Variants in SFSWAP observed in about 807,000 individuals in gnomAD.
SFSWAP encodes the protein splicing factor SWAP, also known as splicing factor, suppressor of white-apricot homolog.
SFSWAP carries 17 observed loss-of-function variants against 100.7 expected under a neutral mutation model. The ratio of observed to expected loss-of-function variants is 0.17; its 90% CI spans 0.12 to 0.25. SFSWAP has a LOEUF of 0.25. Among genes scored for constraint, SFSWAP ranks in the 10% least tolerant of loss-of-function variants. The pLI, the probability that SFSWAP is intolerant of heterozygous loss-of-function variation, is 1.00. For synonymous variants in SFSWAP, 504 were observed against 510.1 expected (o/e 0.99, Z 0.16); for missense variants, 1,005 against 1,262.6 (o/e 0.80, Z 3.09).
intron 13 of SFSWAP, among the ~76,000 whole-genome samples, chr12:131,773,129 C>T (rs1284399019): frequency 2.0e-5 from 3 of 152,138 alleles, no homozygotes; most frequent in African/African-American, 4.8e-5. Flanking sequence ...GGATAGTTGT[C>T]ACTTTGGGCC....
chr12:131,755,414 TATA>T lies in SFSWAP; in HGVS notation c.1486_1488del (p.Asn496del). ...TGAGTTCCTGCAGCCGTGGCACCAG[TATA>T]ATGCTTATTATGAGTTTAAGAAGCA... is the stretch of plus-strand genomic sequence containing the variant. On this transcript the variant is annotated inframe_deletion, in exon 10 of 18. Coordinates refer to ENST00000261674, the MANE Select transcript of SFSWAP (RefSeq NM_004592.4). 6.2e-7 allele frequency: 1 copy of T among 1,613,926 alleles called. No individual in the cohort carries two copies. Among genetic ancestry groups the T allele is most frequent in the Non-Finnish European group, 8.5e-7 (1 of 1,179,914 alleles).
intron 10 of SFSWAP, 119 bp from the exon 11 acceptor site, chr12:131,756,354 C>G (rs1287302897): frequency 4.9e-6 from 4 of 815,004 alleles, no homozygotes; most frequent in African/African-American, 1.7e-5. Flanking sequence ...CCCAGTGCTG[C>G]TTGGGCAGTA....
At chr12:131,736,357 G>T (rs1388162979) in intron 7 of SFSWAP, among the ~76,000 whole-genome samples, 2 of 151,812 alleles carry the variant, frequency 1.3e-5, no homozygotes, top group African/African-American at 4.8e-5. Flanking sequence ...GCAGAATGAA[G>T]AATCATCTAT....
chr12:131,760,936 A>T (rs1400613376), intron 11 of SFSWAP, among the ~76,000 whole-genome samples: 1 of 152,156 alleles, frequency 6.6e-6, no homozygotes, highest in Non-Finnish European at 1.5e-5. Flanking sequence ...GCTAGGTGTG[A>T]TGGCGGGCAC....
rs770119270 is a variant in SFSWAP, at chr12:131,711,458, C to T, written c.218+11C>T. 1 of 1,601,864 alleles carries T rather than the reference C, an allele frequency of 6.2e-7. No individual in the cohort carries two copies. The highest frequency in any genetic ancestry group is 1.7e-5 in the Admixed American group (1 of 59,998). Reference sequence around the variant, plus strand: ...GATCCTCATCGACAGGTCGGTTCCTCTCCCCACCCGTCGATCCTTCCCTTC... The same window carrying T: ...GATCCTCATCGACAGGTCGGTTCCTTTCCCCACCCGTCGATCCTTCCCTTC... On this transcript the variant is annotated intron_variant, in intron 1 of 17. Transcript: ENST00000261674. The surrounding 1 kb of genome is among the most constrained non-coding windows in gnomAD (Gnocchi z 4.9).
Position 131,797,687 on chromosome 12 carries a change from C to T in SFSWAP, c.2717+327C>T, listed in dbSNP as rs189849204. Among the ~76,000 whole-genome samples, 429 of 152,334 alleles carry T rather than the reference C, an allele frequency of 2.8e-3. 2 individuals carry two copies. The highest frequency in any genetic ancestry group is 4.8e-3 in the Non-Finnish European group (328 of 68,026). On this transcript the variant is annotated intron_variant, in intron 16 of 17. Coordinates refer to ENST00000261674, the MANE Select transcript of SFSWAP (RefSeq NM_004592.4). ...CTGGGCTGTGCAATGACCAGTAGACCGGGAACTGTCACCAGGTCCCCAGGC... is the reference window on the plus strand; with the variant it reads ...CTGGGCTGTGCAATGACCAGTAGACTGGGAACTGTCACCAGGTCCCCAGGC...
intron 12 of SFSWAP, among the ~76,000 whole-genome samples, chr12:131,765,124 C>T (rs901435221): frequency 6.6e-6 from 1 of 152,184 alleles, no homozygotes; most frequent in Non-Finnish European, 1.5e-5. Context: ...GCTGGTTTTC[C>T]GGCTGCGGCT....
At chr12:131,756,400 G>A (rs1199467027) in intron 10 of SFSWAP, 73 bp from the exon 11 acceptor site, 36 of 1,276,678 alleles carry the variant, frequency 2.8e-5, no homozygotes, top group Admixed American at 8.9e-5. Flanking sequence ...AACATATACC[G>A]TATACATCTC....
At chr12:131,757,936 A>G (rs1172406163) in intron 11 of SFSWAP, 1 of 152,278 alleles carries the variant, frequency 6.6e-6, no homozygotes, top group Non-Finnish European at 1.5e-5. Context: ...AGGTCAGGGT[A>G]AGGCAGCATA....
intron 14 of SFSWAP, among the ~76,000 whole-genome samples, chr12:131,779,110 C>T (rs763576026): frequency 4.0e-5 from 6 of 149,168 alleles, no homozygotes; most frequent in Non-Finnish European, 6.0e-5. Flanking sequence ...ATACACTCAC[C>T]GGTGCCACAC....
intron 7 of SFSWAP, among the ~76,000 whole-genome samples, chr12:131,735,934 A>G (rs1319627277): frequency 2.0e-5 from 3 of 152,252 alleles, no homozygotes; most frequent in Non-Finnish European, 4.4e-5. Context: ...ACACATAATT[A>G]CAGTAAGTTT....
At chr12:131,728,205 T>C in intron 6 of SFSWAP, 88 bp from the exon 7 acceptor site, 1 of 1,476,886 alleles carries the variant, frequency 6.8e-7, no homozygotes, top group Non-Finnish European at 9.4e-7. Context: ...GCATGTACAC[T>C]GAGTCCTAAA....
chr12:131,721,515 G>C (rs1371929716), intron 4 of SFSWAP, among the ~76,000 whole-genome samples: 1 of 152,156 alleles, frequency 6.6e-6, no homozygotes, highest in Non-Finnish European at 1.5e-5. Flanking sequence ...TTTATTAAAT[G>C]CTAAGTGCTC....
chr12:131,719,596 C>T, intron 4 of SFSWAP, 57 bp downstream of exon 4: 3 of 1,340,874 alleles, frequency 2.2e-6, no homozygotes, highest in Non-Finnish European at 2.1e-6. Context: ...TAATTCACTC[C>T]TGCTTGTGGG....
chr12:131,781,788 TCTAG>T (rs973802778), intron 14 of SFSWAP, among the ~76,000 whole-genome samples: 10 of 152,210 alleles, frequency 6.6e-5, no homozygotes, highest in Non-Finnish European at 1.2e-4. Flanking sequence ...TCTACATACT[TCTAG>T]TTAATTTTAG....
chr12:131,726,961 A>G lies in SFSWAP; in HGVS notation c.854A>G (p.Asn285Ser), dbSNP rs1356549098. Reference protein sequence around the residue: ...EKKKSGVSSDNEDDDDEEDGN... With the variant: ...EKKKSGVSSDSEDDDDEEDGN... ...TCAGAATCAGGAGTCAGCTCTGACA[A>G]TGAAGATGATGATGATGAAGAAGAT... Residue 285 changes from asparagine to serine, a missense_variant, in exon 6 of 18, where the codon AAT becomes AGT. Physicochemically the swap from Asn to Ser is conservative, Grantham distance 46 (BLOSUM62 1). Coordinates refer to ENST00000261674, the MANE Select transcript of SFSWAP (RefSeq NM_004592.4). 1.9e-6 allele frequency: 3 copies of G among 1,601,654 alleles called. No homozygotes were observed. The highest frequency in any genetic ancestry group is 3.4e-5 in the Admixed American group (2 of 58,924).
In SFSWAP at chr12:131,730,681, C is replaced by T. The variant is rs910263217; in HGVS notation, c.1081+2253C>T. Among the ~76,000 whole-genome samples, 2 of 152,142 alleles carry T rather than the reference C, an allele frequency of 1.3e-5. No homozygotes were observed. Among genetic ancestry groups the T allele is most frequent in the Non-Finnish European group, 2.9e-5 (2 of 68,024 alleles). On this transcript the variant is annotated intron_variant, in intron 7 of 17. Coordinates refer to ENST00000261674, the MANE Select transcript of SFSWAP (RefSeq NM_004592.4). The surrounding 1 kb of genome is among the most constrained non-coding windows in gnomAD (Gnocchi z 4.0). ...TTTCTTCCCACCTGCTGATGGCTCC[C>T]GAGACCACTGATAAGCCGTGACAGC...
chr12:131,739,964 T>C (rs908378444), intron 7 of SFSWAP, among the ~76,000 whole-genome samples: 4 of 152,316 alleles, frequency 2.6e-5, no homozygotes, highest in Admixed American at 6.5e-5. Context: ...AACAAGTACG[T>C]TTTTACAAGG....
intron 14 of SFSWAP, among the ~76,000 whole-genome samples, chr12:131,779,145 G>A (rs974862826): frequency 2.7e-5 from 4 of 148,924 alleles, no homozygotes; most frequent in East Asian, 2.1e-4. Flanking sequence ...GTGTGGCACC[G>A]GTGAGCGTGT....
Sources: gnomAD v4.1 joint callset for allele counts (sites outside exome capture counted in the v4.1 genomes callset) on GRCh38, gnomAD v4.1.1 for gene constraint, Gnocchi (gnomAD v3.1) non-coding constraint, MANE v1.5 for transcripts, NCBI Gene and HGNC (gene_info 2026-07-23, HGNC 2026-07-21) for gene names.